Variants in SGCZ observed in about 807,000 individuals in gnomAD.
SGCZ encodes sarcoglycan zeta.
Under a neutral mutation model 41.3 loss-of-function variants are expected in SGCZ, and 40 were observed. That is an observed-to-expected ratio of 0.97 (90% CI 0.75 to 1.26). SGCZ has a LOEUF of 1.26. Among genes scored for constraint, SGCZ ranks in the 50% most tolerant of loss-of-function variants. The pLI, the probability that SGCZ is intolerant of heterozygous loss-of-function variation, is 0.00. For synonymous variants in SGCZ, 206 were observed against 137.5 expected, an observed-to-expected ratio of 1.50 and a Z score of -3.49; for missense variants, 552 against 369.8, an observed-to-expected ratio of 1.49 and a Z score of -4.04.
chr8:14,318,474 C>A (rs1299439132), intron 3 of SGCZ, among the ~76,000 whole-genome samples: 2 of 151,810 alleles, frequency 1.3e-5, no homozygotes, highest in Admixed American at 6.6e-5. Flanking sequence ...CCTACCCAAA[C>A]CTAACCCATA....
intron 1 of SGCZ, among the ~76,000 whole-genome samples, chr8:14,628,023 T>G (rs574220442): frequency 6.6e-6 from 1 of 152,222 alleles, no homozygotes; most frequent in African/African-American, 2.4e-5. Flanking sequence ...CCCTATTATA[T>G]TCCCAGTTAA....
intron 1 of SGCZ, among the ~76,000 whole-genome samples, chr8:14,927,111 T>C (rs1320816738): frequency 7.1e-6 from 1 of 140,572 alleles, no homozygotes; most frequent in African/African-American, 2.6e-5. Flanking sequence ...TCTTTTTTTT[T>C]TTTTTTTTTT....
At chr8:14,261,755 A>G (rs774527817) in intron 3 of SGCZ, among the ~76,000 whole-genome samples, 15 of 152,212 alleles carry the variant, frequency 9.9e-5, no homozygotes, top group Middle Eastern at 3.4e-3. Context: ...GGAGTAACAG[A>G]CTCCATAAAT....
At chr8:14,249,237 C>G (rs370486824) in intron 3 of SGCZ, among the ~76,000 whole-genome samples, 1 of 152,152 alleles carries the variant, frequency 6.6e-6, no homozygotes, top group Non-Finnish European at 1.5e-5. Context: ...GGACATGAGT[C>G]TTCTCTTGCT....
chr8:14,874,313 C>G (rs1804268440), intron 1 of SGCZ, among the ~76,000 whole-genome samples: 1 of 152,096 alleles, frequency 6.6e-6, no homozygotes, highest in Non-Finnish European at 1.5e-5. Flanking sequence ...CCTTGGGCTT[C>G]TTGAAAGTTG....
rs1510438 is a variant in SGCZ at position 14,637,351 on chromosome 8, A to G, written c.40-82425T>C. Among the ~76,000 whole-genome samples, 4 of 151,290 alleles carry G rather than the reference A, an allele frequency of 2.6e-5. 1 individual carries two copies. In the South Asian group the frequency reaches 8.3e-4, roughly 32 times the overall value. The stretch of plus-strand genomic sequence containing the variant: ...TCAACTTTTATTTTAGACTCGGAGT[A>G]CACGTGCAGGTTTGTTACACGAGTA... On this transcript the variant is annotated intron_variant, in intron 1 of 7. Coordinates refer to ENST00000382080, the MANE Select transcript of SGCZ (RefSeq NM_139167.4).
intron 1 of SGCZ, among the ~76,000 whole-genome samples, chr8:14,692,829 A>C (rs1279946149): frequency 6.6e-6 from 1 of 152,230 alleles, no homozygotes; most frequent in Non-Finnish European, 1.5e-5. Flanking sequence ...ACTATTCAGG[A>C]AAATAAATCT....
At chr8:14,477,633 A>C (rs1801398561) in intron 2 of SGCZ, among the ~76,000 whole-genome samples, 1 of 152,298 alleles carries the variant, frequency 6.6e-6, no homozygotes, top group Non-Finnish European at 1.5e-5. Context: ...TATTTAGCTA[A>C]GTCTAGTCTA....
rs1801519252 is a variant in SGCZ, at chr8:14,086,240, G to C, written c.*4203C>G. On this transcript the variant is annotated 3_prime_UTR_variant, in exon 8 of 8. Transcript: ENST00000382080. ...GCTTTGAGGATTTTATAGAAAATTT[G>C]GCTATTAAATACTTTCAATGATTTT... is the stretch of plus-strand genomic sequence containing the variant. Among the ~76,000 whole-genome samples, 1 of 151,490 alleles carries C rather than the reference G, an allele frequency of 6.6e-6. No individual in the cohort carries two copies.
In SGCZ at chr8:15,131,393, A is replaced by T. The variant is rs185827558; in HGVS notation, c.39+106192T>A. ...GACATGCCTTTCACTTTCTACGATGATTGTGAAGCCCTGCCAGCCACGTGG... is the reference window on the plus strand; with the variant it reads ...GACATGCCTTTCACTTTCTACGATGTTTGTGAAGCCCTGCCAGCCACGTGG... On this transcript the variant is annotated intron_variant, in intron 1 of 7. Transcript: ENST00000382080. 2.6e-4 allele frequency among the ~76,000 whole-genome samples: 40 copies of T among 152,250 alleles called. No individual in the cohort carries two copies. The East Asian group carries it at 7.7e-3, about 29-fold the overall frequency.
chr8:14,941,623 G>A (rs1009317702), intron 1 of SGCZ, among the ~76,000 whole-genome samples: 1 of 151,784 alleles, frequency 6.6e-6, no homozygotes, highest in African/African-American at 2.4e-5. Context: ...CTCCAATGCT[G>A]GATGTTAACT....
At chr8:14,133,228 A>C (rs560537965) in intron 5 of SGCZ, among the ~76,000 whole-genome samples, 41 of 152,292 alleles carry the variant, frequency 2.7e-4, no homozygotes, top group Admixed American at 2.7e-3. Flanking sequence ...CACCCCGTAC[A>C]CATGTGATTC....
chr8:14,571,985 T>G (rs1397080057), intron 1 of SGCZ, among the ~76,000 whole-genome samples: 3 of 152,208 alleles, frequency 2.0e-5, no homozygotes, highest in Non-Finnish European at 4.4e-5. Context: ...ATAACAATTA[T>G]CTGATTGTTT....
At chr8:14,387,275 C>T (rs1281185777) in intron 2 of SGCZ, among the ~76,000 whole-genome samples, 3 of 152,178 alleles carry the variant, frequency 2.0e-5, no homozygotes, top group Non-Finnish European at 4.4e-5. Context: ...TGGCCTCGAA[C>T]TCTTGGCCTC....
At chr8:14,806,323 T>C (rs1386647325) in intron 1 of SGCZ, among the ~76,000 whole-genome samples, 39 of 150,012 alleles carry the variant, frequency 2.6e-4, no homozygotes, top group Non-Finnish European at 3.0e-5. Context: ...ACAAAATTGA[T>C]AGACCACTAG....
At chr8:14,409,166 C>T (rs947414180) in intron 2 of SGCZ, among the ~76,000 whole-genome samples, 3 of 152,008 alleles carry the variant, frequency 2.0e-5, no homozygotes, top group Non-Finnish European at 4.4e-5. Flanking sequence ...CAATTAGTCA[C>T]TCATTTATAT....
At chr8:14,521,231 C>A (rs529837114) in intron 2 of SGCZ, among the ~76,000 whole-genome samples, 4 of 152,224 alleles carry the variant, frequency 2.6e-5, no homozygotes, top group East Asian at 1.9e-4. Context: ...CTCCATGATC[C>A]CTGACAACCA....
intron 5 of SGCZ, among the ~76,000 whole-genome samples, chr8:14,129,114 A>T (rs182000669): frequency 6.6e-6 from 1 of 152,138 alleles, no homozygotes; most frequent in Non-Finnish European, 1.5e-5. Flanking sequence ...TGGAAGGCCG[A>T]GGTGGGTGGA....
chr8:14,679,886 T>C (rs980523662), intron 1 of SGCZ, among the ~76,000 whole-genome samples: 2 of 152,078 alleles, frequency 1.3e-5, no homozygotes, highest in Admixed American at 6.6e-5. Context: ...TATATATTTT[T>C]TATTTTTTTA....
Sources: gnomAD v4.1 joint callset for allele counts (sites outside exome capture counted in the v4.1 genomes callset) on GRCh38, gnomAD v4.1.1 for gene constraint, MANE v1.5 for transcripts, NCBI Gene and HGNC (gene_info 2026-07-23, HGNC 2026-07-21) for gene names.